Variants in NGDN observed in about 807,000 individuals in gnomAD.
NGDN encodes the protein EIF4E-binding protein.
A neutral mutation model predicts 45.2 loss-of-function variants in NGDN; 41 were observed. The observed-to-expected ratio is 0.91, with a 90% CI of 0.71 to 1.18. NGDN has a LOEUF of 1.18. Ranked by LOEUF, NGDN falls within the 50% of genes most tolerant of loss-of-function variation. The pLI is 0.00. For synonymous variants in NGDN, 137 were observed against 130.9 expected (o/e 1.05, Z -0.32); for missense variants, 402 against 399.9 (o/e 1.01, Z -0.05).
chr14:23,474,019 CAG>C (rs1175719646), intron 3 of NGDN, among the ~76,000 whole-genome samples: 4 of 119,102 alleles, frequency 3.4e-5, no homozygotes, highest in Non-Finnish European at 6.5e-5. Context: ...GCCTGGGCGA[CAG>C]AGTGAGACTC....
At chr14:23,472,449 G>A (rs189972424) in intron 3 of NGDN, among the ~76,000 whole-genome samples, 3 of 151,716 alleles carry the variant, frequency 2.0e-5, no homozygotes, top group South Asian at 2.1e-4. Flanking sequence ...GCAGTGAGCC[G>A]TGATCATGCC....
chr14:23,474,754 CT>C (rs1893858471), intron 3 of NGDN, among the ~76,000 whole-genome samples: 1 of 152,122 alleles, frequency 6.6e-6, no homozygotes, highest in East Asian at 1.9e-4. Context: ...ACTTGGCAGT[CT>C]GTGGAGACAT....
At chr14:23,477,171 G>A in intron 8 of NGDN, 29 bp from the exon 9 acceptor site, 1 of 1,612,274 alleles carries the variant, frequency 6.2e-7, no homozygotes, top group South Asian at 1.1e-5. Flanking sequence ...CATGGTCTGA[G>A]CCTGCTGGAA....
At chr14:23,473,968 G>A (rs749677771) in intron 3 of NGDN, among the ~76,000 whole-genome samples, 2 of 151,384 alleles carry the variant, frequency 1.3e-5, no homozygotes, top group African/African-American at 2.4e-5. Flanking sequence ...AACCCAGGAG[G>A]TGGAGGTTGC....
In NGDN at chr14:23,476,109, G is replaced by A. The variant is rs747750607; in HGVS notation, c.501G>A (p.Val167=). 3.4e-5 allele frequency: 55 copies of A among 1,614,032 alleles called. No individual in the cohort carries two copies. Among genetic ancestry groups the A allele is most frequent in the East Asian group, 2.4e-4 (11 of 44,902 alleles). The change falls in exon 7 of 11, where the codon GTG becomes GTA. Residue 167 remains valine, a synonymous_variant. Transcript: ENST00000408901. ...EASGKKSVKG[V]SKKYVPPRLV... ...CAGGGAAGAAATCTGTGAAGGGAGT[G>A]TCTAAGAAATATGTTCCTCCACGCT...
intron 1 of NGDN, 157 bp downstream of exon 1, chr14:23,469,884 A>G (rs746806227): frequency 2.4e-5 from 30 of 1,250,638 alleles, no homozygotes; most frequent in Non-Finnish European, 3.4e-5. Context: ...CCGGTAACCC[A>G]AGGGGCTGGC....
chr14:23,475,611 G>A lies in NGDN; in HGVS notation c.336G>A (p.Lys112=). 1 of 1,614,236 alleles carries A rather than the reference G, an allele frequency of 6.2e-7. No homozygotes were observed. ...LDQKLKYQID[K]LIKTAVTGSL... The stretch of plus-strand genomic sequence containing the variant: ...AAAAGCTGAAGTATCAAATTGACAA[G>A]CTGATCAAGACTGCAGTGACAGGCA... The change falls in exon 5 of 11, where the codon AAG becomes AAA. Residue 112 remains lysine (K), a synonymous_variant. Transcript: ENST00000408901.
intron 3 of NGDN, among the ~76,000 whole-genome samples, chr14:23,472,940 G>A (rs370204211): frequency 6.6e-6 from 1 of 152,116 alleles, no homozygotes; most frequent in Non-Finnish European, 1.5e-5. Context: ...GCCCAAGCAC[G>A]TCGGAAGAGC....
At position 23,478,110 on chromosome 14, in the gene NGDN, C is replaced by A. The variant is rs867639031; in HGVS notation, c.*84C>A. On this transcript the variant is annotated 3_prime_UTR_variant, in exon 11 of 11. Transcript: ENST00000408901. ...TATATAGGTGGTTTTCCCTGGAATT[C>A]ATTAATTGTTTGCTTTGGACATGTG... The A allele has an allele frequency of 1.5e-6, 2 of 1,355,042 alleles. No homozygotes were observed. The highest frequency in any genetic ancestry group is 2.1e-6 in the Non-Finnish European group (2 of 948,786). 83.9% of individuals were successfully genotyped at this position (1,355,042 alleles called of 1,614,324 possible).
chr14:23,476,453 G>A, intron 8 of NGDN, 46 bp downstream of exon 8: 1 of 1,513,626 alleles, frequency 6.6e-7, no homozygotes, highest in African/African-American at 1.4e-5. Context: ...CTAGAGTCCT[G>A]TCCTCATGCT....
In NGDN at chr14:23,476,130, A is replaced by G; in HGVS notation, c.522A>G (p.Pro174=). Residue 174 remains proline (P), a synonymous_variant, in exon 7 of 11, where the codon CCA becomes CCG. Transcript: ENST00000408901. ...GAGTGTCTAAGAAATATGTTCCTCC[A>G]CGCTTGGTTCCAGTACATTATGGTA... ...VKGVSKKYVP[P]RLVPVHYDET... 2.5e-6 allele frequency: 4 copies of G among 1,614,168 alleles called. 1 individual carries two copies. The South Asian group carries it at 3.3e-5, about 13-fold the overall frequency.
chr14:23,477,798 T>G (rs1048941474), intron 10 of NGDN: 13 of 1,457,464 alleles, frequency 8.9e-6, no homozygotes, highest in African/African-American at 4.3e-5. Context: ...CAGGCTTCCC[T>G]AAATAGAACT....
At position 23,477,311 on chromosome 14, in the gene NGDN, C is replaced by A. The variant is rs201540301; in HGVS notation, c.825C>A (p.Phe275Leu). ...CACAACTTCATTCCCTTACACACTTCAGTGACATCAGTGCTTTGACAGGGG... is the reference window on the plus strand; with the variant it reads ...CACAACTTCATTCCCTTACACACTTAAGTGACATCAGTGCTTTGACAGGGG... ...MSSQLHSLTH[F>L]SDISALTGGT... is the part of the protein sequence containing the mutation. The change falls in exon 9 of 11, where the codon TTC (phenylalanine) becomes TTA (leucine). Residue 275 changes from phenylalanine (F) to leucine (L), a missense_variant. Physicochemically the swap from Phe to Leu is conservative, Grantham distance 22. Coordinates refer to ENST00000408901, the MANE Select transcript of NGDN (RefSeq NM_001042635.2). 5.6e-5 allele frequency: 91 copies of A among 1,614,072 alleles called. No individual in the cohort carries two copies. The highest frequency in any genetic ancestry group is 6.7e-5 in the Non-Finnish European group (79 of 1,180,032).
At chr14:23,478,273 G>T, downstream of NGDN, 1 of 441,836 alleles carries the variant, frequency 2.3e-6, no homozygotes, top group Non-Finnish European at 4.0e-6. Flanking sequence ...TTTTGGAAGT[G>T]CAAAACATTT....
intron 3 of NGDN, among the ~76,000 whole-genome samples, chr14:23,474,606 CAT>C (rs1412057839): frequency 6.6e-6 from 1 of 152,084 alleles, no homozygotes; most frequent in Admixed American, 6.5e-5. Flanking sequence ...CAATTGAAGT[CAT>C]ATTACACTTT....
In NGDN at chr14:23,469,706, C is replaced by T; in HGVS notation, c.-10C>T. On this transcript the variant is annotated 5_prime_UTR_variant, in exon 1 of 11. Transcript: ENST00000408901. ...GAAGTACGACACCGGAAGGGGTGGG[C>T]TTTGCGAAGATGGCGGCGCTGGTGA... is the stretch of plus-strand genomic sequence containing the variant. 6.2e-7 allele frequency: 1 copy of T among 1,614,134 alleles called. No homozygotes were observed. Among genetic ancestry groups the T allele is most frequent in the Non-Finnish European group, 8.5e-7 (1 of 1,180,008 alleles).
chr14:23,470,920 T>G lies in NGDN; in HGVS notation c.87T>G (p.Thr29=). 1 of 1,572,988 alleles carries G rather than the reference T, an allele frequency of 6.4e-7. No individual in the cohort carries two copies. The highest frequency in any genetic ancestry group is 8.6e-7 in the Non-Finnish European group (1 of 1,164,318). Residue 29 remains threonine (T), a synonymous_variant, in exon 3 of 11, where the codon ACT becomes ACG. Transcript: ENST00000408901. Reference sequence around the variant, plus strand: ...GCTAATTTCAGGTGATGGCTGTAACTGCACAAGTGAAATCACTGACACAAA... The same window carrying G: ...GCTAATTTCAGGTGATGGCTGTAACGGCACAAGTGAAATCACTGACACAAA... The part of the protein sequence containing the change: ...KNLQEQVMAV[T]AQVKSLTQKV...
At chr14:23,473,311 C>G (rs1893826879) in intron 3 of NGDN, among the ~76,000 whole-genome samples, 1 of 152,108 alleles carries the variant, frequency 6.6e-6, no homozygotes, top group Admixed American at 6.5e-5. Flanking sequence ...GGGTACCATG[C>G]CTTGAACCAT....
rs951351836 is a variant in NGDN at position 23,469,953 on chromosome 14, A to C, written c.13-89A>C. The C allele has an allele frequency of 1.2e-5, 17 of 1,397,266 alleles. No homozygotes were observed. The Middle Eastern group carries it at 5.7e-4, about 47-fold the overall frequency. The allele number at this position is 1,397,266 out of a possible 1,614,324, so 86.6% of individuals were successfully genotyped here. ...CCCCGAGTCTGGGTGTCTGACGGAG[A>C]GAGGGCAGTTTCCCACCCTAGACGT... On this transcript the variant is annotated intron_variant, in intron 1 of 10. Transcript: ENST00000408901.
Sources: gnomAD v4.1 joint callset for allele counts (sites outside exome capture counted in the v4.1 genomes callset) on GRCh38, gnomAD v4.1.1 for gene constraint, MANE v1.5 for transcripts, NCBI Gene and HGNC (gene_info 2026-07-23, HGNC 2026-07-21) for gene names.